Variants in LRFN2 observed in about 807,000 individuals in gnomAD.
LRFN2 encodes leucine-rich repeat and fibronectin type-III domain-containing protein 2.
A neutral mutation model predicts 37.3 loss-of-function variants in LRFN2; 18 were observed. The observed-to-expected ratio is 0.48, with a 90% confidence interval of 0.33 to 0.72. The LOEUF is 0.72. Among genes scored for constraint, LRFN2 ranks in the 30% least tolerant of loss-of-function variants. The pLI, the probability that LRFN2 is intolerant of heterozygous loss-of-function variation, is 0.02. For missense variants in LRFN2, 1,006 were observed against 1,060.7 expected (o/e 0.95, Z 0.72); for synonymous variants, 556 against 466.6 (o/e 1.19, Z -2.47).
chr6:40,414,872 C>T lies in LRFN2; in HGVS notation c.1400+16842G>A, dbSNP rs548860066. 1.5e-3 allele frequency among the ~76,000 whole-genome samples: 231 copies of T among 152,280 alleles called. 1 individual carries two copies. Among genetic ancestry groups the T allele is most frequent in the African/African-American group, 5.1e-3 (210 of 41,560 alleles). On this transcript the variant is annotated intron_variant, in intron 2 of 2. Transcript: ENST00000338305. The stretch of plus-strand genomic sequence containing the variant: ...TAGAGAGGAGGCAGCAAGATGGTTC[C>T]GGACAATGTGAGGGGAGTGGCTTTG...
intron 1 of LRFN2, among the ~76,000 whole-genome samples, chr6:40,471,439 A>T (rs1196472580): frequency 2.0e-5 from 3 of 152,138 alleles, no homozygotes; most frequent in East Asian, 3.9e-4. Context: ...TGTCACACCG[A>T]CTGCTGAAAT....
intron 1 of LRFN2, among the ~76,000 whole-genome samples, chr6:40,565,584 A>G (rs1210382408): frequency 1.3e-5 from 2 of 152,232 alleles, no homozygotes; most frequent in East Asian, 1.9e-4. Context: ...ATTGCCACCT[A>G]TCTACAACCA....
intron 1 of LRFN2, among the ~76,000 whole-genome samples, chr6:40,549,100 C>A (rs956016426): frequency 6.6e-6 from 1 of 152,188 alleles, no homozygotes; most frequent in Non-Finnish European, 1.5e-5. Context: ...GGTGGGACAA[C>A]AAGCAACAAA....
At chr6:40,453,913 A>G (rs2436745) in intron 1 of LRFN2, among the ~76,000 whole-genome samples, 3 of 152,214 alleles carry the variant, frequency 2.0e-5, no homozygotes, top group East Asian at 3.9e-4. Context: ...TCAAAACACC[A>G]GCTAGCCTCT....
intron 1 of LRFN2, among the ~76,000 whole-genome samples, chr6:40,493,210 T>C (rs912429810): frequency 3.2e-4 from 49 of 151,996 alleles, no homozygotes; most frequent in African/African-American, 9.7e-4. Context: ...TGTCCCTCTA[T>C]AGATGCCCCC....
In LRFN2 at chr6:40,433,114, G is replaced by A; in HGVS notation, c.-1C>T. The A allele has an allele frequency of 6.6e-7, 1 of 1,519,536 alleles. No individual in the cohort carries two copies. Among genetic ancestry groups the A allele is most frequent in the South Asian group, 1.3e-5 (1 of 75,146 alleles). 94.1% of individuals were successfully genotyped at this position (1,519,536 alleles called of 1,614,324 possible). On this transcript the variant is annotated 5_prime_UTR_variant, in exon 2 of 3. Transcript: ENST00000338305. ...GCAGGCCACCAAGCAGGGTCTCCAT[G>A]GTCTGGTCACTCAGCGCCTGGAAGG...
chr6:40,518,039 G>T (rs1476446584), intron 1 of LRFN2, among the ~76,000 whole-genome samples: 2 of 152,102 alleles, frequency 1.3e-5, no homozygotes, highest in Non-Finnish European at 2.9e-5. Flanking sequence ...CCTGTGCACG[G>T]CTTGAACATC....
intron 1 of LRFN2, among the ~76,000 whole-genome samples, chr6:40,533,374 A>AACACACACACACACACACACACAC (rs58462773): frequency 7.0e-6 from 1 of 142,974 alleles, no homozygotes; most frequent in African/African-American, 2.6e-5. Context: ...TCTTGCTCAA[A>AACACACACACACACACACACACAC]ACACACACAC....
chr6:40,510,128 G>A (rs1561886858), intron 1 of LRFN2, among the ~76,000 whole-genome samples: 1 of 146,936 alleles, frequency 6.8e-6, no homozygotes, highest in African/African-American at 2.5e-5. Context: ...CGTGCATGCG[G>A]GTATGCTAGG....
chr6:40,421,420 G>T (rs1763226378), intron 2 of LRFN2, among the ~76,000 whole-genome samples: 1 of 152,142 alleles, frequency 6.6e-6, no homozygotes, highest in Admixed American at 6.5e-5. Flanking sequence ...CATGTAAGAT[G>T]TACATCAGTT....
rs1281598144 is a variant in LRFN2 at position 40,392,351 on chromosome 6, G to A, written c.1962C>T (p.Asp654=). ...GGGAGGCGAAGGCCCCCATCAGGCG[G>A]TCAAGGCTGGGCTTGGGGCGCGGGG... ...PSAPRPKPSL[D]RLMGAFASLD... The change falls in exon 3 of 3, where the codon GAC becomes GAT. Residue 654 remains aspartate (D), a synonymous_variant. Transcript: ENST00000338305. This position sits in a 1 kb window ranked among gnomAD's most constrained non-coding sequence, Gnocchi z 4.7. 1 of 1,608,868 alleles carries A rather than the reference G, an allele frequency of 6.2e-7. No homozygotes were observed. Among genetic ancestry groups the A allele is most frequent in the East Asian group, 2.2e-5 (1 of 44,748 alleles).
At chr6:40,463,141 A>T (rs1312165954) in intron 1 of LRFN2, among the ~76,000 whole-genome samples, 2 of 152,234 alleles carry the variant, frequency 1.3e-5, no homozygotes, top group African/African-American at 2.4e-5. Flanking sequence ...CAGGGTAATA[A>T]GGTGCAAGGA....
intron 1 of LRFN2, among the ~76,000 whole-genome samples, chr6:40,506,555 T>A (rs1354348851): frequency 6.6e-6 from 1 of 152,176 alleles, no homozygotes; most frequent in African/African-American, 2.4e-5. Context: ...GTATTTAGGA[T>A]CATGAGGAAG....
chr6:40,487,597 G>A (rs1764993294), intron 1 of LRFN2, among the ~76,000 whole-genome samples: 1 of 152,264 alleles, frequency 6.6e-6, no homozygotes, highest in Non-Finnish European at 1.5e-5. Context: ...CATGGCCTCT[G>A]GCTTTTGGAA....
intron 2 of LRFN2, among the ~76,000 whole-genome samples, chr6:40,416,977 C>T (rs1010203882): frequency 5.3e-5 from 8 of 152,280 alleles, no homozygotes; most frequent in South Asian, 2.1e-4. Flanking sequence ...TAAACCTGGG[C>T]GCTCCTGCTT....
At chr6:40,404,994 C>T (rs111450781) in intron 2 of LRFN2, among the ~76,000 whole-genome samples, 88 of 152,332 alleles carry the variant, frequency 5.8e-4, no homozygotes, top group African/African-American at 1.8e-3. Flanking sequence ...AGCCCCTTCC[C>T]AAGGCTTGGC....
chr6:40,486,558 T>C (rs972679760), intron 1 of LRFN2, among the ~76,000 whole-genome samples: 12 of 151,966 alleles, frequency 7.9e-5, no homozygotes, highest in Non-Finnish European at 1.3e-4. Context: ...GGGTAGAGGG[T>C]CAGAGAACTT....
rs1455323589 is a variant in LRFN2, at chr6:40,503,425, T to G, written c.-18-70294A>C. Among the ~76,000 whole-genome samples the G allele has an allele frequency of 2.6e-5, 4 of 152,250 alleles. 1 individual carries two copies. In the East Asian group the frequency reaches 7.7e-4, roughly 29 times the overall value. ...ACAGTGACACTTAGCTGCTCACTGGTGCAGCCGATGGAGGGCGGTCCTCTG... is the reference window on the plus strand; with the variant it reads ...ACAGTGACACTTAGCTGCTCACTGGGGCAGCCGATGGAGGGCGGTCCTCTG... On this transcript the variant is annotated intron_variant, in intron 1 of 2. Transcript: ENST00000338305.
chr6:40,439,368 T>C (rs1359557436), intron 1 of LRFN2, among the ~76,000 whole-genome samples: 1 of 152,158 alleles, frequency 6.6e-6, no homozygotes, highest in East Asian at 1.9e-4. Context: ...TGCCTGCACC[T>C]TCTTTCCAGA....
Sources: gnomAD v4.1 joint callset for allele counts (sites outside exome capture counted in the v4.1 genomes callset) on GRCh38, gnomAD v4.1.1 for gene constraint, Gnocchi (gnomAD v3.1) non-coding constraint, MANE v1.5 for transcripts, NCBI Gene and HGNC (gene_info 2026-07-23, HGNC 2026-07-21) for gene names.